MED13: variants seen among roughly 807,000 people sequenced by gnomAD.
The protein encoded by MED13 is mediator complex subunit 13, also known as mediator of RNA polymerase II transcription subunit 13.
In MED13, 23 loss-of-function variants were observed where a neutral mutation model predicts 225.2. That is an observed-to-expected ratio of 0.10 (90% CI 0.07 to 0.14). The LOEUF is 0.14. Ranked by LOEUF, MED13 falls within the 10% of genes least tolerant of loss-of-function variation. The pLI, the probability that MED13 is intolerant of heterozygous loss-of-function variation, is 1.00. For missense variants in MED13, 2,197 were observed against 2,594.5 expected (o/e 0.85, Z 3.33); for synonymous variants, 942 against 889.2 (o/e 1.06, Z -1.06).
intron 26 of MED13, among the ~76,000 whole-genome samples, chr17:61,954,600 A>G (rs1397326391): frequency 2.6e-5 from 4 of 152,104 alleles, no homozygotes; most frequent in Non-Finnish European, 5.9e-5. Flanking sequence ...AACATGGTGA[A>G]ACCCCATCTC....
chr17:62,055,665 A>T (rs1338326441), intron 2 of MED13, among the ~76,000 whole-genome samples: 1 of 151,768 alleles, frequency 6.6e-6, no homozygotes, highest in Non-Finnish European at 1.5e-5. Flanking sequence ...TCTACTAAAA[A>T]TACAAAACTT....
chr17:61,969,761 C>T (rs79679025), intron 17 of MED13, among the ~76,000 whole-genome samples: 7 of 151,850 alleles, frequency 4.6e-5, no homozygotes, highest in Non-Finnish European at 8.8e-5. Context: ...ATCACCATAC[C>T]GGGATAATTT....
chr17:62,060,154 G>A (rs911625513), intron 2 of MED13, among the ~76,000 whole-genome samples: 10 of 152,048 alleles, frequency 6.6e-5, no homozygotes, highest in African/African-American at 2.4e-4. Flanking sequence ...TTAGCCGAGT[G>A]TGGCAGCATG....
At position 61,965,330 on chromosome 17, in the gene MED13, G is replaced by A. The variant is rs1431341770; in HGVS notation, c.4520C>T (p.Ala1507Val). 6.2e-7 allele frequency: 1 copy of A among 1,614,116 alleles called. No individual in the cohort carries two copies. The highest frequency in any genetic ancestry group is 2.2e-5 in the East Asian group (1 of 44,900). ...GNANTPSATL[A>V]SAASSTMTVT... Reference sequence around the variant, plus strand: ...TGTCATAGTGCTGCTCGCTGCAGATGCTAAGGTGGCAGATGGAGTATTAGC... The same window carrying A: ...TGTCATAGTGCTGCTCGCTGCAGATACTAAGGTGGCAGATGGAGTATTAGC... Residue 1507 changes from alanine to valine, a missense_variant, in exon 20 of 30, where the codon GCA (alanine) becomes GTA (valine). Around this residue, in one of 12 missense-constraint regions of MED13, gnomAD observed 457 missense variants for 442.2 expected, o/e 1.03. Transcript: ENST00000397786.
chr17:62,036,175 T>C (rs2080801936), intron 3 of MED13, among the ~76,000 whole-genome samples: 1 of 152,002 alleles, frequency 6.6e-6, no homozygotes, highest in African/African-American at 2.4e-5. Context: ...GACTTAATTT[T>C]TATTTTTGCC....
chr17:61,979,908 G>A (rs2080188782), intron 16 of MED13, among the ~76,000 whole-genome samples: 1 of 152,088 alleles, frequency 6.6e-6, no homozygotes, highest in East Asian at 1.9e-4. Flanking sequence ...ATATTCCCGG[G>A]CCAGGCACGG....
intron 1 of MED13, among the ~76,000 whole-genome samples, chr17:62,064,849 G>C (rs572178432): frequency 2.0e-5 from 3 of 152,182 alleles, no homozygotes; most frequent in Admixed American, 6.5e-5. Context: ...AAGAGGGAAA[G>C]GTTACTGTCC....
intron 9 of MED13, among the ~76,000 whole-genome samples, chr17:62,000,053 G>A (rs183573863): frequency 6.6e-6 from 1 of 152,120 alleles, no homozygotes; most frequent in Non-Finnish European, 1.5e-5. Flanking sequence ...CTGGGTAACA[G>A]AGCAAGATCC....
At chr17:62,017,865 T>C (rs1185212063) in intron 8 of MED13, among the ~76,000 whole-genome samples, 1 of 152,228 alleles carries the variant, frequency 6.6e-6, no homozygotes, top group Admixed American at 6.5e-5. Flanking sequence ...AGATTTGAAG[T>C]ACAATGGCTA....
chr17:62,014,186 A>C (rs2080539302), intron 8 of MED13, among the ~76,000 whole-genome samples: 1 of 152,100 alleles, frequency 6.6e-6, no homozygotes, highest in Non-Finnish European at 1.5e-5. Flanking sequence ...CAACACAGCC[A>C]CCATCTATGA....
chr17:61,972,352 A>T (rs1407404335), intron 17 of MED13, among the ~76,000 whole-genome samples: 1 of 152,128 alleles, frequency 6.6e-6, no homozygotes, highest in Non-Finnish European at 1.5e-5. Flanking sequence ...GCCTTTTATC[A>T]CTAGTATAAC....
chr17:61,991,025 T>C (rs1383749941), intron 11 of MED13, among the ~76,000 whole-genome samples: 1 of 152,240 alleles, frequency 6.6e-6, no homozygotes, highest in African/African-American at 2.4e-5. Context: ...CTCCTCATTT[T>C]ACAGGTGAAA....
intron 3 of MED13, among the ~76,000 whole-genome samples, chr17:62,036,090 CTTTTT>C (rs199531154): frequency 7.3e-6 from 1 of 136,960 alleles, no homozygotes; most frequent in East Asian, 2.1e-4. Flanking sequence ...GTACCCAGCT[CTTTTT>C]TTTTTTTTTA....
At chr17:61,947,221 C>T (rs1374446606) in intron 28 of MED13, among the ~76,000 whole-genome samples, 25 of 143,338 alleles carry the variant, frequency 1.7e-4, no homozygotes, top group Non-Finnish European at 3.6e-4. Context: ...TAAGTAGGGG[C>T]AGGTTCTTGT....
At chr17:61,990,657 TC>T (rs1027406763) in intron 11 of MED13, among the ~76,000 whole-genome samples, 9 of 129,344 alleles carry the variant, frequency 7.0e-5, no homozygotes, top group Non-Finnish European at 1.1e-4. Context: ...ATATACACAC[TC>T]CCCCCCAAAA....
chr17:62,008,317 C>CAAAAAAA lies in MED13; in HGVS notation c.1967+2226_1967+2232dup, dbSNP rs766909961. On this transcript the variant is annotated intron_variant, in intron 9 of 29. Transcript: ENST00000397786. Reference sequence around the variant, plus strand: ...TGGGCCACAGAGCGAGGCTCTGTCTCAAAAAAAAAAAAAAAAAAAAAAAAA... The same window carrying CAAAAAAA: ...TGGGCCACAGAGCGAGGCTCTGTCTCAAAAAAAAAAAAAAAAAAAAAAAAAAAAAAAA... Among the ~76,000 whole-genome samples the CAAAAAAA allele has an allele frequency of 3.3e-3, 111 of 33,202 alleles. 14 individuals are homozygous for CAAAAAAA. Among genetic ancestry groups the CAAAAAAA allele is most frequent in the African/African-American group, 0.01 (95 of 9,320 alleles). The allele number at this position is 33,202 out of a possible 152,430, so 21.8% of individuals were successfully genotyped here. A position where few individuals can be genotyped will look rare whatever the true frequency, so the allele number is the denominator to read the frequency against.
At chr17:61,994,195 C>T (rs2080328303) in intron 10 of MED13, among the ~76,000 whole-genome samples, 1 of 152,190 alleles carries the variant, frequency 6.6e-6, no homozygotes, top group South Asian at 2.1e-4. Context: ...GATGGGGTTT[C>T]ACCATCTTGG....
At chr17:62,004,195 T>C (rs1455966491) in intron 9 of MED13, 1 of 152,226 alleles carries the variant, frequency 6.6e-6, no homozygotes, top group Non-Finnish European at 1.5e-5. Context: ...TGAATTTCTA[T>C]TGTGTATCCA....
chr17:62,026,478 TAAAAA>T (rs377190736), intron 8 of MED13, among the ~76,000 whole-genome samples: 1 of 122,638 alleles, frequency 8.2e-6, no homozygotes, highest in African/African-American at 3.0e-5. Context: ...TATTTATCAT[TAAAAA>T]AAAAAAAAAA....
Sources: gnomAD v4.1 joint callset for allele counts (sites outside exome capture counted in the v4.1 genomes callset) on GRCh38, gnomAD v4.1.1 for gene constraint, gnomAD v4.1.1 regional missense constraint, MANE v1.5 for transcripts, NCBI Gene and HGNC (gene_info 2026-07-23, HGNC 2026-07-21) for gene names.